Variants in SGCD observed in about 807,000 individuals in gnomAD.
SGCD encodes sarcoglycan delta.
Under a neutral mutation model 36.6 loss-of-function variants are expected in SGCD, and 18 were observed. The observed-to-expected ratio is 0.49, with a 90% CI of 0.34 to 0.73. The LOEUF (loss-of-function observed/expected upper bound fraction) is 0.73, where lower values mean the gene tolerates loss of function less well. Ranked by LOEUF, SGCD falls within the 30% of genes least tolerant of loss-of-function variation. The pLI is 0.01. For missense variants in SGCD, 387 were observed against 346.7 expected, an observed-to-expected ratio of 1.12 and a Z score of -0.92; for synonymous variants, 133 against 130.6, an observed-to-expected ratio of 1.02 and a Z score of -0.12.
chr5:156,582,592 C>G (rs933923577), intron 4 of SGCD, among the ~76,000 whole-genome samples: 1 of 152,248 alleles, frequency 6.6e-6, no homozygotes, highest in Non-Finnish European at 1.5e-5. Context: ...CCAGTTAACC[C>G]TCTTATCTGA....
intron 1 of SGCD, among the ~76,000 whole-genome samples, chr5:155,952,875 C>T (rs1235134577): frequency 1.3e-5 from 2 of 152,154 alleles, no homozygotes; most frequent in African/African-American, 4.8e-5. Flanking sequence ...ATGGCTGGTG[C>T]CAGCATGGGG....
chr5:156,168,998 A>G (rs1287454244), intron 3 of SGCD, among the ~76,000 whole-genome samples: 3 of 152,224 alleles, frequency 2.0e-5, no homozygotes, highest in Admixed American at 6.5e-5. Flanking sequence ...CCCTGTAACT[A>G]CGAATCAAAA....
chr5:156,257,231 T>C (rs1374013594), intron 3 of SGCD, among the ~76,000 whole-genome samples: 1 of 151,896 alleles, frequency 6.6e-6, no homozygotes. Context: ...TCTCAACACT[T>C]TGGGAGGCCG....
chr5:156,652,881 A>G (rs1465917680), intron 7 of SGCD, among the ~76,000 whole-genome samples: 2 of 151,988 alleles, frequency 1.3e-5, no homozygotes, highest in Non-Finnish European at 2.9e-5. Context: ...CATTCTGTTT[A>G]TACGATGGAT....
At chr5:156,311,519 G>T (rs1366788792) in intron 3 of SGCD, among the ~76,000 whole-genome samples, 1 of 152,024 alleles carries the variant, frequency 6.6e-6, no homozygotes, top group Non-Finnish European at 1.5e-5. Context: ...TACAATCATA[G>T]AATACAGTAT....
intron 4 of SGCD, among the ~76,000 whole-genome samples, chr5:156,514,978 A>T (rs1757095861): frequency 1.3e-5 from 2 of 152,180 alleles, no homozygotes; most frequent in South Asian, 4.1e-4. Flanking sequence ...TGATTTTCAC[A>T]TCATCATATA....
At chr5:156,299,122 C>T (rs1354124967) in intron 3 of SGCD, among the ~76,000 whole-genome samples, 1 of 152,144 alleles carries the variant, frequency 6.6e-6, no homozygotes, top group Non-Finnish European at 1.5e-5. Flanking sequence ...TTATATATTG[C>T]AAGAGATATA....
At chr5:155,824,649 T>G in the SGCD span, among the ~76,000 whole-genome samples, 3 of 152,188 alleles carry the variant, frequency 2.0e-5, no homozygotes, top group Non-Finnish European at 4.4e-5. Flanking sequence ...CAGCTGAGGC[T>G]CTGGGAAATT....
intron 3 of SGCD, among the ~76,000 whole-genome samples, chr5:156,262,921 GTGTA>G (rs950729171): frequency 6.6e-6 from 1 of 151,126 alleles, no homozygotes; most frequent in African/African-American, 2.4e-5. Flanking sequence ...GTGTGTGTGT[GTGTA>G]TACATATATA....
chr5:156,276,370 C>T (rs1400081227), intron 3 of SGCD, among the ~76,000 whole-genome samples: 1 of 152,078 alleles, frequency 6.6e-6, no homozygotes, highest in Non-Finnish European at 1.5e-5. Context: ...AATTTCAAAA[C>T]CTCGACCAAG....
chr5:156,126,438 C>A (rs1004481171), intron 3 of SGCD, among the ~76,000 whole-genome samples: 1 of 152,066 alleles, frequency 6.6e-6, no homozygotes, highest in African/African-American at 2.4e-5. Flanking sequence ...ACCAGTCGAC[C>A]ATTAAGGGGA....
rs537952061 is a variant in SGCD, at chr5:156,463,766, G to A, written c.193-44835G>A. ...TCCCAACACTTTGGGAGGCCCAGAC[G>A]GGAGGATTGCTTTAGCTCAGGAGTT... On this transcript the variant is annotated intron_variant, in intron 3 of 8. Coordinates refer to ENST00000337851, the MANE Select transcript of SGCD (RefSeq NM_000337.6). Among the ~76,000 whole-genome samples, 26 of 152,200 alleles carry A rather than the reference G, an allele frequency of 1.7e-4. No homozygotes were observed. In the East Asian group the frequency reaches 3.1e-3, roughly 18 times the overall value.
intron 4 of SGCD, among the ~76,000 whole-genome samples, chr5:156,579,295 G>T (rs1011536544): frequency 4.6e-5 from 7 of 152,106 alleles, no homozygotes; most frequent in African/African-American, 1.4e-4. Context: ...TGTGATTTCT[G>T]CTCTTTTACA....
chr5:156,020,300 T>C (rs1759070925), intron 1 of SGCD, among the ~76,000 whole-genome samples: 1 of 152,128 alleles, frequency 6.6e-6, no homozygotes, highest in Non-Finnish European at 1.5e-5. Context: ...TTTAGAAGAG[T>C]AAACAAAGAA....
chr5:156,703,775 A>C (rs1003278584), intron 7 of SGCD, among the ~76,000 whole-genome samples: 1 of 152,168 alleles, frequency 6.6e-6, no homozygotes, highest in Non-Finnish European at 1.5e-5. Flanking sequence ...GTTCTGTGAC[A>C]ATATAGATCT....
At chr5:156,478,637 A>G (rs1400023543) in intron 3 of SGCD, among the ~76,000 whole-genome samples, 1 of 151,912 alleles carries the variant, frequency 6.6e-6, no homozygotes, top group Non-Finnish European at 1.5e-5. Context: ...CTGGAGTGCA[A>G]TGGTGCAATC....
chr5:156,516,057 G>C (rs1241800577), intron 4 of SGCD, among the ~76,000 whole-genome samples: 1 of 152,214 alleles, frequency 6.6e-6, no homozygotes, highest in East Asian at 1.9e-4. Flanking sequence ...AGCAGCTATG[G>C]TCTCCAGGCT....
chr5:156,040,897 T>C (rs780930737), intron 1 of SGCD, among the ~76,000 whole-genome samples: 71 of 152,334 alleles, frequency 4.7e-4, no homozygotes, highest in Middle Eastern at 6.8e-3. Context: ...AGGAATGTAC[T>C]GGCTGAAGGC....
chr5:156,054,522 T>G (rs933835372), intron 1 of SGCD, among the ~76,000 whole-genome samples: 1 of 146,024 alleles, frequency 6.8e-6, no homozygotes, highest in Non-Finnish European at 1.5e-5. Context: ...CCTGACCTCG[T>G]GATCCACCCG....
Sources: allele counts gnomAD v4.1 joint callset (sites outside exome capture counted in the v4.1 genomes callset), GRCh38; gene constraint gnomAD v4.1.1; transcripts MANE v1.5; gene names NCBI Gene and HGNC (gene_info 2026-07-23, HGNC 2026-07-21).